VOPP1: variants seen among roughly 807,000 people sequenced by gnomAD.
VOPP1 encodes VOPP1 WW domain binding protein.
A neutral mutation model predicts 23.5 loss-of-function variants in VOPP1; 8 were observed. The ratio of observed to expected loss-of-function variants is 0.34; its 90% CI spans 0.20 to 0.61. VOPP1 has a LOEUF of 0.61. VOPP1 is among the 20% of genes least tolerant of loss of function. The pLI is 0.78. For missense variants in VOPP1, 174 were observed against 238.1 expected, an observed-to-expected ratio of 0.73 and a Z score of 1.77; for synonymous variants, 83 against 97.3, an observed-to-expected ratio of 0.85 and a Z score of 0.86.
chr7:55,500,227 T>C (rs973570039), intron 2 of VOPP1, among the ~76,000 whole-genome samples: 6 of 152,172 alleles, frequency 3.9e-5, no homozygotes, highest in Admixed American at 1.3e-4. Flanking sequence ...GAATACCAGA[T>C]GGCCACTCCC....
In VOPP1 at chr7:55,519,028, T is replaced by A. The variant is rs1300707960; in HGVS notation, c.113+2044A>T. Among the ~76,000 whole-genome samples the A allele has an allele frequency of 3.9e-5, 6 of 151,960 alleles. No homozygotes were observed. The East Asian group carries it at 1.2e-3, about 29-fold the overall frequency. ...AGAAGACTAGTGGGTGGGGCTGGGG[T>A]TTCCTGGCATCATGAGATCCGAAGA... is the stretch of plus-strand genomic sequence containing the variant. On this transcript the variant is annotated intron_variant, in intron 2 of 4. Coordinates refer to ENST00000285279, the MANE Select transcript of VOPP1 (RefSeq NM_030796.5).
downstream of VOPP1, among the ~76,000 whole-genome samples, chr7:55,468,875 G>C (rs1410473043): frequency 6.6e-6 from 1 of 152,184 alleles, no homozygotes. Flanking sequence ...ACTGTGCTTA[G>C]GATCAATGAA....
chr7:55,453,287 T>C (rs1791288081), intron 4 of VOPP1, among the ~76,000 whole-genome samples: 1 of 152,226 alleles, frequency 6.6e-6, no homozygotes, highest in Non-Finnish European at 1.5e-5. Context: ...TGTGTGTCAC[T>C]GGAATAGCGC....
intron 4 of VOPP1, among the ~76,000 whole-genome samples, chr7:55,485,666 C>T (rs76770599): frequency 6.6e-6 from 1 of 152,354 alleles, no homozygotes; most frequent in African/African-American, 2.4e-5. Context: ...TGACGCCACA[C>T]AGGGCCCACA....
chr7:55,469,264 A>G (rs1484244534), downstream of VOPP1, among the ~76,000 whole-genome samples: 2 of 152,134 alleles, frequency 1.3e-5, no homozygotes, highest in Non-Finnish European at 2.9e-5. Flanking sequence ...GAGCTCAAAA[A>G]TCTCTAACTT....
chr7:55,441,833 T>G (rs1790973286), intron 4 of VOPP1, among the ~76,000 whole-genome samples: 1 of 152,182 alleles, frequency 6.6e-6, no homozygotes, highest in Non-Finnish European at 1.5e-5. Flanking sequence ...ATGAAGCAGC[T>G]TCAGCACACA....
At chr7:55,561,697 G>GAA (rs10548276) in intron 1 of VOPP1, among the ~76,000 whole-genome samples, 4 of 93,816 alleles carry the variant, frequency 4.3e-5, no homozygotes, top group Non-Finnish European at 6.3e-5. Context: ...ACTCTGTCTG[G>GAA]AAAAAAAAAA....
chr7:55,452,049 T>TA (rs1791258835), intron 4 of VOPP1, among the ~76,000 whole-genome samples: 1 of 152,202 alleles, frequency 6.6e-6, no homozygotes, highest in Non-Finnish European at 1.5e-5. Context: ...ATTTTACCAA[T>TA]AGTAGGACTT....
chr7:55,468,365 C>T (rs145071921), downstream of VOPP1, among the ~76,000 whole-genome samples: 1 of 152,116 alleles, frequency 6.6e-6, no homozygotes, highest in East Asian at 1.9e-4. Flanking sequence ...TTGGAGCCCA[C>T]AGCTCCCTCT....
intron 4 of VOPP1, among the ~76,000 whole-genome samples, chr7:55,455,434 A>C (rs1007313499): frequency 2.6e-5 from 4 of 152,226 alleles, no homozygotes; most frequent in African/African-American, 7.2e-5. Flanking sequence ...CTTTCTTCAC[A>C]GAATTGGAAA....
chr7:55,485,640 TC>T (rs1322762962), intron 4 of VOPP1, among the ~76,000 whole-genome samples: 5 of 152,214 alleles, frequency 3.3e-5, no homozygotes, highest in Non-Finnish European at 7.3e-5. Context: ...ACCCCGGCTG[TC>T]CTGTGGCTGC....
chr7:55,550,742 A>G (rs1379214265), intron 1 of VOPP1, among the ~76,000 whole-genome samples: 1 of 152,204 alleles, frequency 6.6e-6, no homozygotes, highest in Admixed American at 6.5e-5. Flanking sequence ...TGACAGAAGG[A>G]TGCACTATTG....
chr7:55,521,741 G>A (rs1468712364), intron 1 of VOPP1: 21 of 986,348 alleles, frequency 2.1e-5, no homozygotes, highest in Non-Finnish European at 2.5e-5. Context: ...GGGCAGGGCA[G>A]GGCAGGGCAG....
At chr7:55,536,772 G>A (rs76306116) in intron 1 of VOPP1, among the ~76,000 whole-genome samples, 1,677 of 152,270 alleles carry the variant, frequency 0.011, 11 homozygotes, top group Middle Eastern at 0.02. Flanking sequence ...CCACAGGGGC[G>A]GCGTGCTGAT....
chr7:55,510,994 A>C (rs1416022285), intron 2 of VOPP1, among the ~76,000 whole-genome samples: 4 of 152,056 alleles, frequency 2.6e-5, no homozygotes, highest in African/African-American at 9.7e-5. Flanking sequence ...ATTGTGGTTA[A>C]CTGTTAGAGG....
intron 4 of VOPP1, among the ~76,000 whole-genome samples, chr7:55,480,391 A>C (rs1441416720): frequency 6.6e-6 from 1 of 151,598 alleles, no homozygotes; most frequent in Non-Finnish European, 1.5e-5. Context: ...GTGATTTTCA[A>C]CTCCTTTGAA....
At chr7:55,486,483 C>T (rs112908965) in intron 4 of VOPP1, among the ~76,000 whole-genome samples, 2,364 of 152,132 alleles carry the variant, frequency 0.016, 60 homozygotes, top group African/African-American at 0.05. Flanking sequence ...AGAGAAGTGC[C>T]GCGTAAGAAT....
chr7:55,567,067 G>T (rs533499834), intron 1 of VOPP1, among the ~76,000 whole-genome samples: 89 of 152,302 alleles, frequency 5.8e-4, no homozygotes, highest in African/African-American at 2.0e-3. Context: ...GGCACAGTGG[G>T]TTTCCATCAC....
At chr7:55,452,357 C>A (rs1348152316) in intron 4 of VOPP1, among the ~76,000 whole-genome samples, 1 of 152,150 alleles carries the variant, frequency 6.6e-6, no homozygotes, top group African/African-American at 2.4e-5. Flanking sequence ...TGTCTTGAAC[C>A]CCTCCATGAA....
Sources: allele counts gnomAD v4.1 joint callset (sites outside exome capture counted in the v4.1 genomes callset), GRCh38; gene constraint gnomAD v4.1.1; transcripts MANE v1.5; gene names NCBI Gene and HGNC (gene_info 2026-07-23, HGNC 2026-07-21).